The following PALLD variants were observed in gnomAD, a reference collection of about 807,000 sequenced individuals.
PALLD encodes the protein palladin, cytoskeletal associated protein, also known as palladin.
Under a neutral mutation model 123.5 loss-of-function variants are expected in PALLD, and 61 were observed. That is an observed-to-expected ratio of 0.49 (90% CI 0.40 to 0.61). The LOEUF (loss-of-function observed/expected upper bound fraction) is 0.61, where lower values mean the gene tolerates loss of function less well. Ranked by LOEUF, PALLD falls within the 20% of genes least tolerant of loss-of-function variation. The pLI is 0.00. For missense variants in PALLD, 1,273 were observed against 1,377.0 expected, an observed-to-expected ratio of 0.92 and a Z score of 1.20; for synonymous variants, 465 against 496.4, an observed-to-expected ratio of 0.94 and a Z score of 0.84.
intron 2 of PALLD, among the ~76,000 whole-genome samples, chr4:168,621,930 GCTT>G (rs1774800359): frequency 6.6e-6 from 1 of 152,110 alleles, no homozygotes; most frequent in African/African-American, 2.4e-5. Flanking sequence ...GCGAACACAT[GCTT>G]CTTCTGTTTG....
At chr4:168,907,237 G>A (rs1445238905) in intron 15 of PALLD, among the ~76,000 whole-genome samples, 1 of 152,142 alleles carries the variant, frequency 6.6e-6, no homozygotes, top group Non-Finnish European at 1.5e-5. Context: ...TTAATTCAGA[G>A]ACAGTAACTA....
chr4:168,687,485 G>A (rs960017191), intron 6 of PALLD, among the ~76,000 whole-genome samples: 1 of 152,242 alleles, frequency 6.6e-6, no homozygotes, highest in African/African-American at 2.4e-5. Flanking sequence ...CAGAAAGGGT[G>A]TGTTGTCCAA....
At position 168,624,397 on chromosome 4, in the gene PALLD, A is replaced by AC. The variant is rs1372502607; in HGVS notation, c.909-43787dup. On this transcript the variant is annotated intron_variant, in intron 2 of 21. Transcript: ENST00000505667. ...AAAAGTCAATACTCACACCTGATCC[A>AC]CCCCCCGCAAAAAAGCTTCTAAGAA... 3.9e-5 allele frequency among the ~76,000 whole-genome samples: 6 copies of AC among 152,066 alleles called. No individual in the cohort carries two copies. In the East Asian group the frequency reaches 1.2e-3, roughly 29 times the overall value.
intron 10 of PALLD, among the ~76,000 whole-genome samples, chr4:168,883,853 G>T (rs1752963547): frequency 6.6e-6 from 1 of 151,716 alleles, no homozygotes; most frequent in African/African-American, 2.4e-5. Context: ...ATTGGTTAAG[G>T]TTTGCCTCTG....
rs555563595 is a variant in PALLD at position 168,698,521 on chromosome 4, A to AT, written c.1501+7237dup. Among the ~76,000 whole-genome samples the AT allele has an allele frequency of 4.7e-3, 709 of 152,012 alleles. 6 individuals carry two copies. Among genetic ancestry groups the AT allele is most frequent in the Non-Finnish European group, 7.6e-3 (518 of 67,976 alleles). ...TATATATACTTCCTATGTAACCACA[A>AT]TTTTTTTTAATTTAAAGAAACAAAA... On this transcript the variant is annotated intron_variant, in intron 8 of 21. Transcript: ENST00000505667.
intron 10 of PALLD, among the ~76,000 whole-genome samples, chr4:168,792,869 C>A (rs527674937): frequency 1.3e-5 from 2 of 150,954 alleles, no homozygotes; most frequent in East Asian, 3.9e-4. Flanking sequence ...CGGGTTCAAG[C>A]GATTCTTCTA....
At chr4:168,708,365 T>C (rs1201122848) in intron 8 of PALLD, among the ~76,000 whole-genome samples, 2 of 152,134 alleles carry the variant, frequency 1.3e-5, no homozygotes, top group Non-Finnish European at 2.9e-5. Flanking sequence ...AGGTAGCTTC[T>C]ATTATTGTCT....
At chr4:168,675,384 T>C (rs964450253) in intron 3 of PALLD, among the ~76,000 whole-genome samples, 2 of 152,140 alleles carry the variant, frequency 1.3e-5, no homozygotes, top group Non-Finnish European at 1.5e-5. Flanking sequence ...TGAAGTGACA[T>C]TGTGAAGCGT....
At chr4:168,635,861 C>T (rs1327615118) in intron 2 of PALLD, among the ~76,000 whole-genome samples, 1 of 152,078 alleles carries the variant, frequency 6.6e-6, no homozygotes, top group Non-Finnish European at 1.5e-5. Context: ...TAGTGTGGCA[C>T]CTGATGAGAA....
chr4:168,864,778 T>G (rs1750020847), intron 10 of PALLD, among the ~76,000 whole-genome samples: 1 of 152,218 alleles, frequency 6.6e-6, no homozygotes, highest in Non-Finnish European at 1.5e-5. Context: ...CACACTATAC[T>G]ATAAAGTATT....
rs115206833 is a variant in PALLD, at chr4:168,694,034, T to C, written c.1501+2742T>C. 3.4e-3 allele frequency among the ~76,000 whole-genome samples: 518 copies of C among 152,354 alleles called. 4 individuals are homozygous for C. The highest frequency in any genetic ancestry group is 9.0e-3 in the African/African-American group (376 of 41,590). On this transcript the variant is annotated intron_variant, in intron 8 of 21. Coordinates refer to ENST00000505667, the MANE Select transcript of PALLD (RefSeq NM_001166108.2). ...TCAAAACTAGGTATGATTCTTTTAC[T>C]AGTTGCCAAGTGTTTTCCTTACATT...
intron 10 of PALLD, among the ~76,000 whole-genome samples, chr4:168,734,465 G>A (rs144991950): frequency 2.6e-5 from 4 of 152,042 alleles, no homozygotes; most frequent in South Asian, 2.1e-4. Context: ...GGGATGTGGT[G>A]GAGGAATGGT....
chr4:168,733,898 C>T (rs1787445104), intron 10 of PALLD, among the ~76,000 whole-genome samples: 1 of 152,150 alleles, frequency 6.6e-6, no homozygotes, highest in Admixed American at 6.5e-5. Context: ...CCGCACCTGG[C>T]TAATTTTTTT....
chr4:168,497,776 T>A (rs866606610), intron 1 of PALLD, among the ~76,000 whole-genome samples: 27 of 152,344 alleles, frequency 1.8e-4, no homozygotes, highest in South Asian at 1.0e-3. Context: ...AAGATAACGC[T>A]TACTAAGGGA....
chr4:168,726,405 T>A (rs1295802675), intron 10 of PALLD, among the ~76,000 whole-genome samples: 2 of 152,184 alleles, frequency 1.3e-5, no homozygotes, highest in African/African-American at 4.8e-5. Flanking sequence ...TTTTATGAAG[T>A]GTTCACTTTA....
intron 3 of PALLD, among the ~76,000 whole-genome samples, 190 bp from the exon 4 acceptor site, chr4:168,681,142 T>G (rs1313724389): frequency 6.6e-6 from 1 of 152,206 alleles, no homozygotes; most frequent in Non-Finnish European, 1.5e-5. Context: ...TAGTAGTACT[T>G]TTTAAAAATG....
intron 10 of PALLD, among the ~76,000 whole-genome samples, chr4:168,810,835 A>AGG (rs1741016913): frequency 1.4e-5 from 2 of 137,940 alleles, no homozygotes; most frequent in South Asian, 2.2e-4. Context: ...AAGAAAAAAA[A>AGG]AGAAGAAGAA....
chr4:168,710,270 T>G (rs2150206549), intron 9 of PALLD, among the ~76,000 whole-genome samples: 1 of 143,666 alleles, frequency 7.0e-6, no homozygotes, highest in African/African-American at 2.4e-5. Flanking sequence ...ATGAAACAGC[T>G]TTTTTTCTTT....
At chr4:168,532,551 A>G (rs914374237) in intron 2 of PALLD, among the ~76,000 whole-genome samples, 9 of 152,204 alleles carry the variant, frequency 5.9e-5, no homozygotes, top group Non-Finnish European at 1.3e-4. Context: ...AATAAAAATA[A>G]TATTATATTG....
Sources: gnomAD v4.1 joint callset for allele counts (sites outside exome capture counted in the v4.1 genomes callset) on GRCh38, gnomAD v4.1.1 for gene constraint, MANE v1.5 for transcripts, NCBI Gene and HGNC (gene_info 2026-07-23, HGNC 2026-07-21) for gene names.